PARD3: variants seen among roughly 807,000 people sequenced by gnomAD.
PARD3 encodes the protein partitioning defective 3 homolog.
In PARD3, 75 loss-of-function variants were observed where a neutral mutation model predicts 155.4. The ratio of observed to expected loss-of-function variants is 0.48; its 90% CI spans 0.40 to 0.58. PARD3 has a LOEUF of 0.58. PARD3 is among the 20% of genes least tolerant of loss of function. The pLI, the probability that PARD3 is intolerant of heterozygous loss-of-function variation, is 0.00. For synonymous variants in PARD3, 576 were observed against 610.5 expected (o/e 0.94, Z 0.83); for missense variants, 1,642 against 1,721.7 (o/e 0.95, Z 0.82).
chr10:34,298,277 G>A (rs145095080), intron 20 of PARD3, among the ~76,000 whole-genome samples: 1 of 152,314 alleles, frequency 6.6e-6, no homozygotes, highest in East Asian at 1.9e-4. Flanking sequence ...GTAACTCTGA[G>A]AGTTGTGACA....
At chr10:34,803,070 G>GAAAAAAAA (rs34342941) in intron 1 of PARD3, among the ~76,000 whole-genome samples, 1 of 102,624 alleles carries the variant, frequency 9.7e-6, no homozygotes. Context: ...TACTAAAAAT[G>GAAAAAAAA]AAAAAAAAAA....
At chr10:34,678,540 T>C (rs1350563433) in intron 2 of PARD3, among the ~76,000 whole-genome samples, 1 of 152,180 alleles carries the variant, frequency 6.6e-6, no homozygotes, top group African/African-American at 2.4e-5. Context: ...ATTAAAAACA[T>C]GTTTTAGTAA....
chr10:34,752,013 C>T (rs1836099874), intron 1 of PARD3, among the ~76,000 whole-genome samples: 1 of 152,088 alleles, frequency 6.6e-6, no homozygotes, highest in Non-Finnish European at 1.5e-5. Flanking sequence ...CACCAGAGAA[C>T]GGGAAGTAAA....
chr10:34,802,553 T>G (rs527924706), intron 1 of PARD3, among the ~76,000 whole-genome samples: 2 of 152,290 alleles, frequency 1.3e-5, no homozygotes, highest in South Asian at 4.1e-4. Flanking sequence ...GAGCTTGTAT[T>G]ATGTGTCAAA....
chr10:34,204,724 G>T lies in PARD3; in HGVS notation c.3419+64933C>A, dbSNP rs117172347. On this transcript the variant is annotated intron_variant, in intron 22 of 24. Transcript: ENST00000374788. ...ATTCCCCCCTACAATAAGAGGATCT[G>T]AATTCATTTTCAAATCATCTTTCTT... 2.2e-4 allele frequency among the ~76,000 whole-genome samples: 33 copies of T among 151,170 alleles called. No individual in the cohort carries two copies. The East Asian group carries it at 6.2e-3, about 28-fold the overall frequency.
chr10:34,312,290 T>A (rs748637526), intron 20 of PARD3: 20 of 1,602,380 alleles, frequency 1.2e-5, no homozygotes, highest in Non-Finnish European at 1.7e-5. Flanking sequence ...ATTGTTTGTT[T>A]AAAAAAAACA....
intron 2 of PARD3, among the ~76,000 whole-genome samples, chr10:34,653,453 C>T (rs1590423198): frequency 6.6e-6 from 1 of 152,222 alleles, no homozygotes; most frequent in Middle Eastern, 3.4e-3. Flanking sequence ...TTCACCTTTG[C>T]CCTTGTTTTG....
chr10:34,366,626 T>C (rs1371762791), intron 12 of PARD3, among the ~76,000 whole-genome samples: 1 of 152,132 alleles, frequency 6.6e-6, no homozygotes, highest in African/African-American at 2.4e-5. Flanking sequence ...AGAGAGAATA[T>C]ACTTATTCAA....
At chr10:34,183,265 T>C (rs1415024604) in intron 22 of PARD3, among the ~76,000 whole-genome samples, 2 of 152,208 alleles carry the variant, frequency 1.3e-5, no homozygotes, top group Non-Finnish European at 2.9e-5. Flanking sequence ...TCTTGCTCTG[T>C]CGCCCAGACT....
chr10:34,188,862 G>C (rs1588685933), intron 22 of PARD3, among the ~76,000 whole-genome samples: 1 of 151,852 alleles, frequency 6.6e-6, no homozygotes, highest in East Asian at 1.9e-4. Context: ...TCTGACCACA[G>C]CACTTCTCCC....
At chr10:34,394,744 T>C (rs965985096) in intron 7 of PARD3, among the ~76,000 whole-genome samples, 13 of 152,330 alleles carry the variant, frequency 8.5e-5, no homozygotes, top group African/African-American at 2.6e-4. Context: ...CATGAGAAAG[T>C]GTCAGAAATA....
At chr10:34,125,281 G>A (rs563789480) in intron 23 of PARD3, among the ~76,000 whole-genome samples, 42 of 152,128 alleles carry the variant, frequency 2.8e-4, no homozygotes, top group African/African-American at 8.7e-4. Context: ...TGGCCAGGCT[G>A]GTCTTGAACT....
intron 2 of PARD3, among the ~76,000 whole-genome samples, chr10:34,554,503 A>C (rs1024868804): frequency 2.0e-5 from 3 of 152,346 alleles, no homozygotes; most frequent in Non-Finnish European, 4.4e-5. Context: ...GGAAAAGTTA[A>C]AATGTCTAGC....
intron 22 of PARD3, among the ~76,000 whole-genome samples, chr10:34,245,404 A>G (rs1181810742): frequency 6.6e-6 from 1 of 152,130 alleles, no homozygotes; most frequent in South Asian, 2.1e-4. Flanking sequence ...TGCCACGCCA[A>G]GTAAGTTGGA....
At position 34,516,208 on chromosome 10, in the gene PARD3, G is replaced by A. The variant is rs182679806; in HGVS notation, c.403+771C>T. Reference sequence around the variant, plus strand: ...TCAAACTCCTGACCTCAGGTGATCCGCCCACCTCAGCCTCCCAAAGTGCTG... The same window carrying A: ...TCAAACTCCTGACCTCAGGTGATCCACCCACCTCAGCCTCCCAAAGTGCTG... On this transcript the variant is annotated intron_variant, in intron 3 of 24. Coordinates refer to ENST00000374788, the MANE Select transcript of PARD3 (RefSeq NM_001184785.2). Among the ~76,000 whole-genome samples, 24 of 151,982 alleles carry A rather than the reference G, an allele frequency of 1.6e-4. No homozygotes were observed. The East Asian group carries it at 3.3e-3, about 21-fold the overall frequency.
intron 22 of PARD3, among the ~76,000 whole-genome samples, chr10:34,165,616 C>T (rs908171504): frequency 6.6e-6 from 1 of 152,224 alleles, no homozygotes; most frequent in African/African-American, 2.4e-5. Flanking sequence ...TAAGCTCCCA[C>T]TGCATTCTCA....
chr10:34,517,387 A>G (rs929525114), intron 2 of PARD3, among the ~76,000 whole-genome samples: 3 of 152,234 alleles, frequency 2.0e-5, no homozygotes, highest in Non-Finnish European at 4.4e-5. Context: ...TCTATGGGTG[A>G]AAAAATAATA....
chr10:34,395,521 C>T (rs937457237), intron 7 of PARD3, among the ~76,000 whole-genome samples: 8 of 152,022 alleles, frequency 5.3e-5, no homozygotes, highest in Admixed American at 3.9e-4. Flanking sequence ...TTTTGAATAA[C>T]ATATACAAGG....
At position 34,661,654 on chromosome 10, in the gene PARD3, G is replaced by C. The variant is rs184941758; in HGVS notation, c.222+34664C>G. Among the ~76,000 whole-genome samples the C allele has an allele frequency of 4.3e-4, 66 of 152,340 alleles. No homozygotes were observed. In the East Asian group the frequency reaches 0.01, roughly 24 times the overall value. On this transcript the variant is annotated intron_variant, in intron 2 of 24. Transcript: ENST00000374788. ...ATGAACATGACCTATTTATTCATCT[G>C]CAGCAAAAATTGGGCCTGGCTATGG...
Sources: allele counts gnomAD v4.1 joint callset (sites outside exome capture counted in the v4.1 genomes callset), GRCh38; gene constraint gnomAD v4.1.1; transcripts MANE v1.5; gene names NCBI Gene and HGNC (gene_info 2026-07-23, HGNC 2026-07-21).